OR6K3: variants seen among roughly 807,000 people sequenced by gnomAD.
The protein encoded by OR6K3 is olfactory receptor 6K3.
For synonymous variants in OR6K3, 169 were observed against 137.7 expected, an observed-to-expected ratio of 1.23 and a Z score of -1.59; for missense variants, 396 against 382.5, an observed-to-expected ratio of 1.04 and a Z score of -0.29.
At position 158,717,138 on chromosome 1, in the gene OR6K3, A is replaced by G. The variant is rs1223983420; in HGVS notation, c.*30T>C. The stretch of plus-strand genomic sequence containing the variant: ...CATCTCAAAAAACAAAACAAAACAA[A>G]AGCAACGGAAGGGAACCTGTGGCTC... On this transcript the variant is annotated 3_prime_UTR_variant, in exon 2 of 2. Coordinates refer to ENST00000368145, the MANE Select transcript of OR6K3 (RefSeq NM_001005327.3). The G allele has an allele frequency of 1.3e-5, 19 of 1,468,138 alleles. No individual in the cohort carries two copies. Among genetic ancestry groups the G allele is most frequent in the Non-Finnish European group, 1.8e-5 (19 of 1,070,828 alleles). The allele number at this position is 1,468,138 out of a possible 1,614,324, so 90.9% of individuals were successfully genotyped here.
Position 158,717,830 on chromosome 1 carries a change from C to T in OR6K3, c.286G>A (p.Gly96Ser), listed in dbSNP as rs1656198385. 4 of 1,613,696 alleles carry T rather than the reference C, an allele frequency of 2.5e-6. No homozygotes were observed. Among genetic ancestry groups the T allele is most frequent in the Admixed American group, 1.7e-5 (1 of 59,962 alleles). ...ISEKKAISMTGCILQMYFFHS... is the reference protein window; with the variant it reads ...ISEKKAISMTSCILQMYFFHS... ...AAGAAATACATCTGCAAGATGCAGC[C>T]AGTCATTGAGATGGCCTTCTTTTCA... The change falls in exon 2 of 2, where the codon GGC becomes AGC. Residue 96 changes from glycine (G) to serine (S), a missense_variant. Coordinates refer to ENST00000368145, the MANE Select transcript of OR6K3 (RefSeq NM_001005327.3).
In OR6K3 at chr1:158,718,106, C is replaced by T. The variant is rs857705; in HGVS notation, c.10G>A (p.Gly4Arg). 342,863 of 1,603,094 alleles carry T rather than the reference C, an allele frequency of 0.21. 37,791 individuals are homozygous for T. The highest frequency in any genetic ancestry group is 0.29 in the African/African-American group (21,732 of 74,398). Residue 4 changes from glycine to arginine, a missense_variant, in exon 2 of 2, where the codon GGA becomes AGA. Transcript: ENST00000368145. Reference sequence around the variant, plus strand: ...AATTCAGTCACTGTTGATTGGTTTCCGCTCTCCATATTTCTAGTAGAGCTA... The same window carrying T: ...AATTCAGTCACTGTTGATTGGTTTCTGCTCTCCATATTTCTAGTAGAGCTA... Reference protein sequence around the residue: MESGNQSTVTEFIF... With the variant: MESRNQSTVTEFIF...
rs1264396812 is a variant in OR6K3 at position 158,717,966 on chromosome 1, C to A, written c.150G>T (p.Arg50Ser). Residue 50 changes from arginine (R) to serine (S), a missense_variant, in exon 2 of 2, where the codon AGG becomes AGT. Coordinates refer to ENST00000368145, the MANE Select transcript of OR6K3 (RefSeq NM_001005327.3). ...IDNLLIFSAV[R>S]LDTHLHNPMY... ...TGGGGTTGTGGAGATGGGTGTCCAG[C>A]CTTACAGCAGAGAAGATTAATAAGT... The A allele has an allele frequency of 3.1e-6, 5 of 1,613,034 alleles. No individual in the cohort carries two copies. Among genetic ancestry groups the A allele is most frequent in the Non-Finnish European group, 4.2e-6 (5 of 1,179,506 alleles).
At chr1:158,723,168 A>G (rs1372799432), upstream of OR6K3, among the ~76,000 whole-genome samples, 1 of 152,038 alleles carries the variant, frequency 6.6e-6, no homozygotes. Context: ...TTTTAAAGGC[A>G]GCAAAAGTGA....
Position 158,717,205 on chromosome 1 carries a change from A to T in OR6K3, c.911T>A (p.Phe304Tyr). The change falls in exon 2 of 2, where the codon TTC becomes TAC. Residue 304 changes from phenylalanine (F) to tyrosine (Y), a missense_variant. Phe to Tyr is a conservative substitution (Grantham distance 22, BLOSUM62 3). Coordinates refer to ENST00000368145, the MANE Select transcript of OR6K3 (RefSeq NM_001005327.3). Reference sequence around the variant, plus strand: ...CTTGTTCAACACTTTTTGAAGACAGAACAGTTTTTTAATCGCATTGTTCAT... The same window carrying T: ...CTTGTTCAACACTTTTTGAAGACAGTACAGTTTTTTAATCGCATTGTTCAT... ...KDMNNAIKKLFCLQKVLNKPG... is the reference protein window; with the variant it reads ...KDMNNAIKKLYCLQKVLNKPG... 1 of 1,613,158 alleles carries T rather than the reference A, an allele frequency of 6.2e-7. No individual in the cohort carries two copies. Among genetic ancestry groups the T allele is most frequent in the South Asian group, 1.1e-5 (1 of 90,988 alleles).
chr1:158,722,487 A>C (rs1002095287), upstream of OR6K3, among the ~76,000 whole-genome samples: 1 of 152,006 alleles, frequency 6.6e-6, no homozygotes, highest in African/African-American at 2.4e-5. Flanking sequence ...AATTTCATAC[A>C]TTCTTTGGCT....
Position 158,717,223 on chromosome 1 carries a change from T to A in OR6K3, c.893A>T (p.Asn298Ile), listed in dbSNP as rs781541474. The A allele has an allele frequency of 1.2e-6, 2 of 1,613,542 alleles. No homozygotes were observed. The highest frequency in any genetic ancestry group is 1.7e-5 in the Admixed American group (1 of 59,962). ...IYSLRNKDMN[N>I]AIKKLFCLQK... is the part of the protein sequence containing the mutation. ...AAGACAGAACAGTTTTTTAATCGCA[T>A]TGTTCATGTCCTTGTTTCTCAGGCT... is the stretch of plus-strand genomic sequence containing the variant. The change falls in exon 2 of 2, where the codon AAT becomes ATT. Residue 298 changes from asparagine (N) to isoleucine (I), a missense_variant. Physicochemically the swap from Asn to Ile is moderately radical, Grantham distance 149 (BLOSUM62 -3). Transcript: ENST00000368145.
chr1:158,724,621 C>A, upstream of OR6K3: 1 of 241,528 alleles, frequency 4.1e-6, no homozygotes, highest in Non-Finnish European at 9.1e-6. Context: ...GATGCAGGAC[C>A]CCACAGAGAG....
chr1:158,718,502 G>A (rs1656221279), intron 1 of OR6K3, among the ~76,000 whole-genome samples: 1 of 151,092 alleles, frequency 6.6e-6, no homozygotes, highest in Non-Finnish European at 1.5e-5. Flanking sequence ...TTTTATTTTA[G>A]CTTAATCTCT....
chr1:158,723,965 C>T (rs1215711471), upstream of OR6K3: 2 of 152,138 alleles, frequency 1.3e-5, no homozygotes, highest in East Asian at 1.9e-4. Context: ...CTTAATTTGG[C>T]ATGTGTAAGC....
In OR6K3 at chr1:158,717,005, C is replaced by T. The variant is rs1656161137; in HGVS notation, c.*163G>A. On this transcript the variant is annotated 3_prime_UTR_variant, in exon 2 of 2. Transcript: ENST00000368145. ...TGGTGGTGCATGCCTGTAATCGCGG[C>T]TACTAGGGAGGCTGAGGCAGGAGAA... is the stretch of plus-strand genomic sequence containing the variant. 1.7e-6 allele frequency: 1 copy of T among 602,444 alleles called. No homozygotes were observed. Among genetic ancestry groups the T allele is most frequent in the Non-Finnish European group, 3.0e-6 (1 of 333,492 alleles). 37.3% of individuals were successfully genotyped at this position (602,444 alleles called of 1,614,324 possible). A position where few individuals can be genotyped will look rare whatever the true frequency, so the allele number is the denominator to read the frequency against.
chr1:158,720,907 T>C (rs1393789664), upstream of OR6K3, among the ~76,000 whole-genome samples: 2 of 151,968 alleles, frequency 1.3e-5, no homozygotes, highest in East Asian at 1.9e-4. Context: ...TACTCTCCTT[T>C]TGTTAGATTT....
upstream of OR6K3, among the ~76,000 whole-genome samples, chr1:158,722,200 C>T (rs928962874): frequency 3.3e-5 from 5 of 151,900 alleles, no homozygotes; most frequent in African/African-American, 9.6e-5. Context: ...CTGTGTTTGT[C>T]TGTGTGTGTG....
upstream of OR6K3, among the ~76,000 whole-genome samples, chr1:158,722,059 C>T (rs1397156378): frequency 6.6e-6 from 1 of 151,916 alleles, no homozygotes; most frequent in Non-Finnish European, 1.5e-5. Context: ...CTCTCTGTCT[C>T]TCTCAGTCTC....
intron 1 of OR6K3, among the ~76,000 whole-genome samples, chr1:158,719,318 TA>T (rs1359663054): frequency 9.9e-5 from 15 of 152,148 alleles, no homozygotes; most frequent in African/African-American, 2.4e-4. Flanking sequence ...TTCAACCTCT[TA>T]TAGTTTTATA....
At chr1:158,724,464 A>G (rs1216504875), upstream of OR6K3, 17 of 234,028 alleles carry the variant, frequency 7.3e-5, no homozygotes. Context: ...CATGGATCAC[A>G]TCCTCAATCA....
rs754007475 is a variant in OR6K3, at chr1:158,718,042, A to G, written c.74T>C (p.Leu25Pro). Reference protein sequence around the residue: ...TGFPQLQDGSLLYFFPLLFIY... With the variant: ...TGFPQLQDGSPLYFFPLLFIY... ...GAAAAGTAAAGGAAAGAAGTACAGG[A>G]GACTACCATCCTGAAGCTGAGGGAA... is the stretch of plus-strand genomic sequence containing the variant. Residue 25 changes from leucine (L) to proline (P), a missense_variant, in exon 2 of 2, where the codon CTC (leucine) becomes CCC (proline). Leu to Pro is a moderately conservative substitution (Grantham distance 98). Coordinates refer to ENST00000368145, the MANE Select transcript of OR6K3 (RefSeq NM_001005327.3). 1 of 1,613,072 alleles carries G rather than the reference A, an allele frequency of 6.2e-7. No individual in the cohort carries two copies. Among genetic ancestry groups the G allele is most frequent in the Admixed American group, 1.7e-5 (1 of 59,966 alleles).
At chr1:158,724,099 C>T (rs187758200), upstream of OR6K3, 441 of 152,526 alleles carry the variant, frequency 2.9e-3, 1 homozygote, top group Non-Finnish European at 2.7e-3. Context: ...GTGAAAGGTG[C>T]CTATGAGCTA....
upstream of OR6K3, among the ~76,000 whole-genome samples, chr1:158,722,956 A>T (rs1308836026): frequency 6.6e-6 from 1 of 152,046 alleles, no homozygotes; most frequent in Admixed American, 6.6e-5. Context: ...AGGTAAACTT[A>T]TAGATATTTT....
Sources: gnomAD v4.1 joint callset for allele counts (sites outside exome capture counted in the v4.1 genomes callset) on GRCh38, gnomAD v4.1.1 for gene constraint, MANE v1.5 for transcripts, NCBI Gene and HGNC (gene_info 2026-07-23, HGNC 2026-07-21) for gene names.